The following ANKRD36 variants were observed in gnomAD, a reference collection of about 807,000 sequenced individuals.
ANKRD36 encodes ankyrin repeat domain 36.
Under a neutral mutation model 278.1 loss-of-function variants are expected in ANKRD36, and 179 were observed. The observed-to-expected ratio is 0.64, with a 90% CI of 0.57 to 0.73. The LOEUF is 0.73. ANKRD36 is among the 30% of genes least tolerant of loss of function. The pLI, the probability that ANKRD36 is intolerant of heterozygous loss-of-function variation, is 0.00. For missense variants in ANKRD36, 1,159 were observed against 1,956.7 expected (o/e 0.59, Z 7.69); for synonymous variants, 320 against 641.1 (o/e 0.50, Z 7.57).
chr2:97,191,297 T>G (rs2058466363), intron 36 of ANKRD36, 116 bp downstream of exon 36: 1 of 1,215,986 alleles, frequency 8.2e-7, no homozygotes, highest in Non-Finnish European at 1.1e-6. Flanking sequence ...TCAGCTGTCC[T>G]GAGATTCTTC....
chr2:97,187,554 C>A (rs1198819595), intron 32 of ANKRD36, among the ~76,000 whole-genome samples, 153 bp downstream of exon 32: 2 of 151,760 alleles, frequency 1.3e-5, no homozygotes, highest in Admixed American at 6.6e-5. Flanking sequence ...GTAATAAATT[C>A]TTGGGTGACG....
chr2:97,131,860 G>A (rs199683591), intron 6 of ANKRD36, among the ~76,000 whole-genome samples: 2 of 151,232 alleles, frequency 1.3e-5, no homozygotes, highest in East Asian at 3.9e-4. Flanking sequence ...GCTGAGTCTC[G>A]CTCTGTTGCC....
At chr2:97,157,855 T>C (rs2153480220) in intron 15 of ANKRD36, among the ~76,000 whole-genome samples, 1 of 152,030 alleles carries the variant, frequency 6.6e-6, no homozygotes, top group East Asian at 2.0e-4. Flanking sequence ...AAGAAACTAA[T>C]GGATATCATA....
chr2:97,244,100 A>G, intron 70 of ANKRD36, 71 bp downstream of exon 70: 1 of 1,541,362 alleles, frequency 6.5e-7, no homozygotes, highest in Admixed American at 2.1e-5. Flanking sequence ...TCTTTCATTT[A>G]ACGTATATTA....
intron 67 of ANKRD36, among the ~76,000 whole-genome samples, chr2:97,231,650 A>C (rs2072151888): frequency 6.6e-6 from 1 of 152,044 alleles, no homozygotes; most frequent in Non-Finnish European, 1.5e-5. Flanking sequence ...ACTGTCCAGC[A>C]CCCACTGTCT....
intron 50 of ANKRD36, among the ~76,000 whole-genome samples, 155 bp from the exon 51 acceptor site, chr2:97,205,785 G>T (rs538121974): frequency 6.6e-6 from 1 of 151,402 alleles, no homozygotes; most frequent in South Asian, 2.1e-4. Context: ...CAGTGTATTT[G>T]TGTCATTTTC....
intron 58 of ANKRD36, among the ~76,000 whole-genome samples, chr2:97,212,416 T>G (rs558394606): frequency 1.6e-3 from 242 of 151,912 alleles, no homozygotes; most frequent in African/African-American, 5.4e-3. Context: ...TAATTTACTA[T>G]TAGGCATCAG....
chr2:97,205,110 G>A (rs1558764129), intron 50 of ANKRD36, among the ~76,000 whole-genome samples: 1 of 151,582 alleles, frequency 6.6e-6, no homozygotes, highest in African/African-American at 2.4e-5. Flanking sequence ...CAAAAATTAT[G>A]TTGCATTCCA....
intron 48 of ANKRD36, among the ~76,000 whole-genome samples, chr2:97,202,820 T>G (rs2061768607): frequency 6.6e-6 from 1 of 151,776 alleles, no homozygotes; most frequent in South Asian, 2.1e-4. Context: ...GAGACCCTTG[T>G]TGTAGCAATC....
At position 97,179,033 on chromosome 2, in the gene ANKRD36, G is replaced by T. The variant is rs966432722; in HGVS notation, c.1634-705G>T. Among the ~76,000 whole-genome samples the T allele has an allele frequency of 2.0e-5, 3 of 151,392 alleles. 1 individual carries two copies. The South Asian group carries it at 6.3e-4, about 32-fold the overall frequency. ...ATTTTGTATAAGTATGTCAAATTTG[G>T]TAATTTATTACACTTTTTGATGAAG... On this transcript the variant is annotated intron_variant, in intron 22 of 75. Coordinates refer to ENST00000420699, the MANE Select transcript of ANKRD36 (RefSeq NM_001354587.1).
chr2:97,137,345 T>C (rs1030898531), intron 6 of ANKRD36, among the ~76,000 whole-genome samples: 1 of 151,956 alleles, frequency 6.6e-6, no homozygotes, highest in African/African-American at 2.4e-5. Flanking sequence ...AGATGGGATT[T>C]CACCATGTTT....
chr2:97,145,314 C>T (rs965033067), intron 10 of ANKRD36, among the ~76,000 whole-genome samples: 2 of 152,010 alleles, frequency 1.3e-5, no homozygotes, highest in African/African-American at 4.8e-5. Context: ...CCAGGAACTA[C>T]TGGAAGCAGG....
At chr2:97,179,999 A>G (rs1405529336) in intron 24 of ANKRD36, 66 bp downstream of exon 24, 2 of 1,594,360 alleles carry the variant, frequency 1.3e-6, no homozygotes, top group African/African-American at 1.3e-5. Context: ...CCTTACCCAA[A>G]TAAATCAGTG....
chr2:97,226,752 G>T (rs1352938390), intron 67 of ANKRD36, among the ~76,000 whole-genome samples: 9 of 151,446 alleles, frequency 5.9e-5, no homozygotes, highest in Non-Finnish European at 1.2e-4. Flanking sequence ...GGTTTTTATG[G>T]TTTTAGGTCT....
intron 27 of ANKRD36, 43 bp downstream of exon 27, chr2:97,183,530 G>A: frequency 6.4e-7 from 1 of 1,551,884 alleles, no homozygotes; most frequent in Non-Finnish European, 8.7e-7. Context: ...TTATTTTATA[G>A]CCTATGAAAT....
At chr2:97,213,360 G>A in intron 58 of ANKRD36, 59 bp from the exon 59 acceptor site, 2 of 440,322 alleles carry the variant, frequency 4.5e-6, no homozygotes, top group South Asian at 4.7e-5. Context: ...GTGCAGGAAT[G>A]TATGGATAAC....
chr2:97,137,889 G>A (rs1462133682), intron 6 of ANKRD36, among the ~76,000 whole-genome samples: 1 of 151,992 alleles, frequency 6.6e-6, no homozygotes, highest in Admixed American at 6.6e-5. Flanking sequence ...ATGTTTGTTG[G>A]CTGCATAAAT....
chr2:97,204,683 A>G (rs2062361448), intron 50 of ANKRD36, among the ~76,000 whole-genome samples: 1 of 151,518 alleles, frequency 6.6e-6, no homozygotes, highest in South Asian at 2.1e-4. Flanking sequence ...AACTAAGGAG[A>G]CCCCTGGTGT....
chr2:97,193,118 A>G (rs1558641377), intron 38 of ANKRD36, 65 bp downstream of exon 38: 1 of 1,405,378 alleles, frequency 7.1e-7, no homozygotes, highest in Non-Finnish European at 9.6e-7. Context: ...TCTTCCCTGA[A>G]TAAATCAGCG....
Sources: allele counts gnomAD v4.1 joint callset (sites outside exome capture counted in the v4.1 genomes callset), GRCh38; gene constraint gnomAD v4.1.1; transcripts MANE v1.5; gene names NCBI Gene and HGNC (gene_info 2026-07-23, HGNC 2026-07-21).